Variants in BTD observed in about 807,000 individuals in gnomAD.
The protein encoded by BTD is biocytinase.
A neutral mutation model predicts 17.7 loss-of-function variants in BTD; 13 were observed. The observed-to-expected ratio is 0.74, with a 90% CI of 0.48 to 1.17. The LOEUF is 1.17. Among genes scored for constraint, BTD ranks in the 50% most tolerant of loss-of-function variants. BTD has a pLI of 0.00. For missense variants in BTD, 674 were observed against 650.4 expected, an observed-to-expected ratio of 1.04 and a Z score of -0.39; for synonymous variants, 240 against 245.2, an observed-to-expected ratio of 0.98 and a Z score of 0.20.
chr3:15,602,441 C>T (rs2064294551), intron 1 of BTD: 1 of 446,196 alleles, frequency 2.2e-6, no homozygotes, highest in African/African-American at 2.1e-5. Flanking sequence ...ACCAGCCCTG[C>T]ACCCGATAGC....
chr3:15,628,894 A>G (rs1029601522), intron 1 of BTD, among the ~76,000 whole-genome samples: 10 of 152,196 alleles, frequency 6.6e-5, no homozygotes, highest in Non-Finnish European at 1.3e-4. Flanking sequence ...CTAGTCTACC[A>G]TATTGCCCCC....
rs549333620 is a variant in BTD, at chr3:15,647,974, C to G, written c.*2486C>G. Among the ~76,000 whole-genome samples the G allele has an allele frequency of 2.0e-5, 3 of 152,202 alleles. No individual in the cohort carries two copies. The highest frequency in any genetic ancestry group is 4.4e-5 in the Non-Finnish European group (3 of 68,034). Reference sequence around the variant, plus strand: ...TCTGCTCTCAAGACACAGGCCTGTCCAGAGCCCCTGCTGAGGGAAACCCAC... The same window carrying G: ...TCTGCTCTCAAGACACAGGCCTGTCGAGAGCCCCTGCTGAGGGAAACCCAC... On this transcript the variant is annotated 3_prime_UTR_variant, in exon 4 of 4. Coordinates refer to ENST00000643237, the MANE Select transcript of BTD (RefSeq NM_001370658.1).
chr3:15,615,540 A>G (rs1383939858), intron 1 of BTD, among the ~76,000 whole-genome samples: 4 of 152,222 alleles, frequency 2.6e-5, no homozygotes, highest in Non-Finnish European at 4.4e-5. Context: ...GACATGTTCC[A>G]GTATCACCTC....
At chr3:15,608,154 T>C (rs1196849195) in intron 1 of BTD, among the ~76,000 whole-genome samples, 3 of 152,192 alleles carry the variant, frequency 2.0e-5, no homozygotes, top group Non-Finnish European at 4.4e-5. Flanking sequence ...AAAGCTTGGA[T>C]TCCTGCCTTT....
chr3:15,626,926 C>T (rs960114454), intron 1 of BTD, among the ~76,000 whole-genome samples: 20 of 152,076 alleles, frequency 1.3e-4, no homozygotes, highest in African/African-American at 4.6e-4. Context: ...GACTTGGAAC[C>T]GTCTGTCAGA....
chr3:15,709,355 A>G (rs1436985492), intron 3 of BTD, among the ~76,000 whole-genome samples: 1 of 152,176 alleles, frequency 6.6e-6, no homozygotes, highest in African/African-American at 2.4e-5. Context: ...GTTTCTTGAA[A>G]AAACATAGGT....
intron 3 of BTD, among the ~76,000 whole-genome samples, chr3:15,671,953 A>AT (rs1046984794): frequency 6.6e-6 from 1 of 152,038 alleles, no homozygotes; most frequent in Non-Finnish European, 1.5e-5. Context: ...CATATCTGGC[A>AT]TTTTTGTGTA....
rs2065781193 is a variant in BTD at position 15,650,347 on chromosome 3, C to T, written c.*4859C>T. Among the ~76,000 whole-genome samples the T allele has an allele frequency of 6.6e-6, 1 of 152,136 alleles. No individual in the cohort carries two copies. Among genetic ancestry groups the T allele is most frequent in the Non-Finnish European group, 1.5e-5 (1 of 68,026 alleles). On this transcript the variant is annotated 3_prime_UTR_variant, in exon 4 of 4. Transcript: ENST00000643237. ...AAAAATGAAATTACCAATATATGAA[C>T]TCTAGGCATCATGCATATATAATTT... is the stretch of plus-strand genomic sequence containing the variant.
intron 3 of BTD, among the ~76,000 whole-genome samples, chr3:15,701,203 T>G (rs1422620290): frequency 6.6e-6 from 1 of 152,246 alleles, no homozygotes; most frequent in East Asian, 1.9e-4. Flanking sequence ...CTTTAAATGC[T>G]GAATTTCTTA....
In BTD at chr3:15,680,637, G is replaced by A. The variant is rs1413591329; in HGVS notation, c.400-29423G>A. On this transcript the variant is annotated intron_variant, in intron 3 of 3. Transcript: ENST00000672141. The stretch of plus-strand genomic sequence containing the variant: ...TCTTCATGATATTATCAACAACGCT[G>A]TAATGAAACATTCTGGTATTTTTTT... Among the ~76,000 whole-genome samples the A allele has an allele frequency of 2.6e-5, 4 of 152,176 alleles. No individual in the cohort carries two copies. In the East Asian group the frequency reaches 5.8e-4, roughly 22 times the overall value.
At position 15,652,364 on chromosome 3, in the gene BTD, C is replaced by T. The variant is rs2065818498; in HGVS notation, c.*6876C>T. 6.6e-6 allele frequency among the ~76,000 whole-genome samples: 1 copy of T among 152,138 alleles called. No homozygotes were observed. The highest frequency in any genetic ancestry group is 2.4e-5 in the African/African-American group (1 of 41,428). ...TACTGCAGCTTCTATCTTGGTTGCT[C>T]ACTTGCTATCTTGGGTCCCTCCCTC... On this transcript the variant is annotated 3_prime_UTR_variant, in exon 4 of 4. Coordinates refer to ENST00000643237, the MANE Select transcript of BTD (RefSeq NM_001370658.1).
At chr3:15,662,627 G>A (rs969254284) in intron 3 of BTD, among the ~76,000 whole-genome samples, 1 of 151,978 alleles carries the variant, frequency 6.6e-6, no homozygotes, top group Non-Finnish European at 1.5e-5. Flanking sequence ...AAAACTTTCA[G>A]TATGATGTTG....
At chr3:15,718,653 T>C (rs185603425) in intron 4 of BTD, among the ~76,000 whole-genome samples, 30 of 151,920 alleles carry the variant, frequency 2.0e-4, no homozygotes, top group African/African-American at 6.6e-4. Context: ...AAGCCCAATC[T>C]CTACCTTTTA....
chr3:15,662,077 C>T (rs1171856621), intron 3 of BTD, among the ~76,000 whole-genome samples: 6 of 152,132 alleles, frequency 3.9e-5, no homozygotes, highest in East Asian at 1.9e-4. Context: ...TCATTTTATT[C>T]GTCTCCTTCA....
chr3:15,707,311 A>G (rs1366226761), intron 3 of BTD, among the ~76,000 whole-genome samples: 3 of 152,216 alleles, frequency 2.0e-5, no homozygotes. Context: ...ACTTTAGGTG[A>G]ATATTATTAT....
chr3:15,643,635 G>T (rs1022759513), intron 3 of BTD, among the ~76,000 whole-genome samples: 1 of 152,098 alleles, frequency 6.6e-6, no homozygotes, highest in African/African-American at 2.4e-5. Context: ...ATGTTTGTGG[G>T]TCACTTTTCT....
chr3:15,643,684 A>G (rs982224537), intron 3 of BTD, among the ~76,000 whole-genome samples: 19 of 151,848 alleles, frequency 1.3e-4, no homozygotes, highest in Admixed American at 9.2e-4. Context: ...TCCTTTGCAC[A>G]TTTTCAGTAG....
chr3:15,637,558 A>G, intron 2 of BTD, among the ~76,000 whole-genome samples: 1 of 152,140 alleles, frequency 6.6e-6, no homozygotes, highest in East Asian at 1.9e-4. Flanking sequence ...CCCAAGTATC[A>G]GTTACCTTTA....
chr3:15,629,249 A>G (rs1368215353), intron 1 of BTD, among the ~76,000 whole-genome samples: 2 of 152,316 alleles, frequency 1.3e-5, no homozygotes, highest in South Asian at 2.1e-4. Flanking sequence ...CTTCTACTCA[A>G]TTGGTTCTCC....
Sources: allele counts gnomAD v4.1 joint callset (sites outside exome capture counted in the v4.1 genomes callset), GRCh38; gene constraint gnomAD v4.1.1; transcripts MANE v1.5; gene names NCBI Gene and HGNC (gene_info 2026-07-23, HGNC 2026-07-21).